AIG1: variants seen among roughly 807,000 people sequenced by gnomAD.
The protein encoded by AIG1 is androgen-induced gene 1 protein.
AIG1 carries 23 observed loss-of-function variants against 31.4 expected under a neutral mutation model. The observed-to-expected ratio is 0.73, with a 90% CI of 0.53 to 1.04. The LOEUF is 1.04. Among genes scored for constraint, AIG1 ranks in the 50% least tolerant of loss-of-function variants. The pLI, the probability that AIG1 is intolerant of heterozygous loss-of-function variation, is 0.00. For missense variants in AIG1, 274 were observed against 295.0 expected (o/e 0.93, Z 0.52); for synonymous variants, 100 against 110.5 (o/e 0.90, Z 0.60).
intron 3 of AIG1, among the ~76,000 whole-genome samples, chr6:143,249,749 A>ACC (rs200178344): frequency 6.6e-5 from 10 of 151,754 alleles, no homozygotes; most frequent in African/African-American, 2.4e-4. Context: ...TTTTGCTTCA[A>ACC]CCCCCCCTAT....
chr6:143,208,485 CAG>C (rs779912723), intron 3 of AIG1, among the ~76,000 whole-genome samples: 1 of 152,088 alleles, frequency 6.6e-6, no homozygotes, highest in East Asian at 1.9e-4. Flanking sequence ...GTTATATAAT[CAG>C]GGGCAGGAAG....
intron 3 of AIG1, among the ~76,000 whole-genome samples, chr6:143,273,329 G>T (rs745340936): frequency 2.6e-5 from 4 of 152,196 alleles, no homozygotes; most frequent in Admixed American, 6.5e-5. Context: ...ATTTCAGAGT[G>T]CTGTGAATGA....
In AIG1 at chr6:143,298,462, C is replaced by T. The variant is rs1280979075; in HGVS notation, c.515+14237C>T. Among the ~76,000 whole-genome samples, 1 of 152,180 alleles carries T rather than the reference C, an allele frequency of 6.6e-6. No individual in the cohort carries two copies. Among genetic ancestry groups the T allele is most frequent in the African/African-American group, 2.4e-5 (1 of 41,456 alleles). On this transcript the variant is annotated intron_variant, in intron 4 of 5. Coordinates refer to ENST00000357847, the MANE Select transcript of AIG1 (RefSeq NM_016108.4). This position sits in a 1 kb window ranked among gnomAD's most constrained non-coding sequence, Gnocchi z 5.1. ...ATACAAGGTGAAACAGTGCTATTTG[C>T]CTATCAGACAAAGACAGGTATCTTT...
At chr6:143,114,413 G>C (rs935237814) in intron 1 of AIG1, among the ~76,000 whole-genome samples, 2 of 152,166 alleles carry the variant, frequency 1.3e-5, no homozygotes, top group Non-Finnish European at 2.9e-5. Flanking sequence ...ATGTTTTCAA[G>C]AAGTTCTCAG....
intron 4 of AIG1, among the ~76,000 whole-genome samples, chr6:143,317,436 C>G (rs1340912888): frequency 6.6e-6 from 1 of 152,034 alleles, no homozygotes; most frequent in East Asian, 1.9e-4. Context: ...GAAGAAAAAG[C>G]AGTTGACAAA....
intron 3 of AIG1, among the ~76,000 whole-genome samples, chr6:143,237,827 AG>A (rs1402981572): frequency 2.6e-5 from 4 of 152,248 alleles, no homozygotes; most frequent in African/African-American, 9.6e-5. Flanking sequence ...CATGACCAAA[AG>A]CTTGAAAACG....
chr6:143,131,339 C>G (rs1783217074), intron 1 of AIG1, among the ~76,000 whole-genome samples: 2 of 152,020 alleles, frequency 1.3e-5, no homozygotes, highest in African/African-American at 4.8e-5. Flanking sequence ...TTAAATGGCC[C>G]CCAGAGATGT....
intron 3 of AIG1, among the ~76,000 whole-genome samples, chr6:143,250,248 G>A (rs553019010): frequency 6.6e-6 from 1 of 152,236 alleles, no homozygotes; most frequent in East Asian, 1.9e-4. Context: ...AGCTCTTTAT[G>A]TTATTCCACA....
intron 1 of AIG1, among the ~76,000 whole-genome samples, chr6:143,066,561 C>G (rs1486777312): frequency 6.6e-6 from 1 of 152,094 alleles, no homozygotes; most frequent in Non-Finnish European, 1.5e-5. Flanking sequence ...GTGTGAGCCA[C>G]CGCGCCTGGC....
At chr6:143,076,047 G>A (rs1224268481) in intron 1 of AIG1, among the ~76,000 whole-genome samples, 1 of 152,192 alleles carries the variant, frequency 6.6e-6, no homozygotes, top group East Asian at 1.9e-4. Flanking sequence ...TTTGCTTTTA[G>A]TAAGTGGAGT....
At chr6:143,136,368 T>C (rs1357566915) in intron 1 of AIG1, among the ~76,000 whole-genome samples, 1 of 152,226 alleles carries the variant, frequency 6.6e-6, no homozygotes, top group Non-Finnish European at 1.5e-5. Context: ...TTTTCACATT[T>C]AGACTGAATT....
chr6:143,155,557 G>C (rs1311319232), intron 2 of AIG1, among the ~76,000 whole-genome samples: 1 of 152,078 alleles, frequency 6.6e-6, no homozygotes, highest in Non-Finnish European at 1.5e-5. Flanking sequence ...AAGTAGGCCG[G>C]TGTTACAAGC....
At chr6:143,255,029 C>G (rs58289411) in intron 3 of AIG1, among the ~76,000 whole-genome samples, 6 of 152,080 alleles carry the variant, frequency 3.9e-5, no homozygotes, top group Non-Finnish European at 8.8e-5. Context: ...ACAGTGAGAA[C>G]CTGTCTCAAA....
chr6:143,171,521 TATATTTAA>T (rs2128573788), intron 3 of AIG1, among the ~76,000 whole-genome samples: 2 of 129,682 alleles, frequency 1.5e-5, no homozygotes, highest in South Asian at 4.5e-4. Flanking sequence ...ATATAATATA[TATATTTAA>T]TATATATATT....
intron 3 of AIG1, among the ~76,000 whole-genome samples, chr6:143,231,947 A>C (rs1793475528): frequency 6.6e-6 from 1 of 152,204 alleles, no homozygotes; most frequent in South Asian, 2.1e-4. Context: ...AGACTGGTGG[A>C]AGATGAAAGG....
intron 4 of AIG1, among the ~76,000 whole-genome samples, chr6:143,300,831 G>A (rs968561623): frequency 3.9e-5 from 6 of 152,190 alleles, no homozygotes; most frequent in Admixed American, 6.5e-5. Flanking sequence ...CCATGAAGAA[G>A]GCATCATGGA....
intron 3 of AIG1, among the ~76,000 whole-genome samples, chr6:143,235,805 G>A (rs1181346740): frequency 6.6e-6 from 1 of 152,224 alleles, no homozygotes; most frequent in African/African-American, 2.4e-5. Context: ...GAAGTGGATA[G>A]TTATGAAGTA....
chr6:143,151,278 A>G (rs1449924000), intron 2 of AIG1, among the ~76,000 whole-genome samples: 3 of 152,268 alleles, frequency 2.0e-5, no homozygotes, highest in East Asian at 1.9e-4. Context: ...ATAAATCACA[A>G]TTGTGTTTGT....
At chr6:143,309,628 G>T (rs2128705993) in intron 4 of AIG1, among the ~76,000 whole-genome samples, 1 of 151,968 alleles carries the variant, frequency 6.6e-6, no homozygotes, top group South Asian at 2.1e-4. Context: ...TTAAAATATG[G>T]TAGTTATTAA....
Sources: gnomAD v4.1 joint callset for allele counts (sites outside exome capture counted in the v4.1 genomes callset) on GRCh38, gnomAD v4.1.1 for gene constraint, Gnocchi (gnomAD v3.1) non-coding constraint, MANE v1.5 for transcripts, NCBI Gene and HGNC (gene_info 2026-07-23, HGNC 2026-07-21) for gene names.